Variants in PINX1 observed in about 807,000 individuals in gnomAD.
PINX1 encodes PIN2 (TERF1) interacting telomerase inhibitor 1.
A neutral mutation model predicts 25.4 loss-of-function variants in PINX1; 34 were observed. That is an observed-to-expected ratio of 1.34 (90% CI 1.02 to 1.78). PINX1 has a LOEUF of 1.78. PINX1 is among the 40% of genes most tolerant of loss of function. PINX1 has a pLI of 0.00. For synonymous variants in PINX1, 197 were observed against 147.7 expected, an observed-to-expected ratio of 1.33 and a Z score of -2.42; for missense variants, 592 against 404.9, an observed-to-expected ratio of 1.46 and a Z score of -3.97.
chr8:10,779,828 A>C (rs1313280713), intron 6 of PINX1, among the ~76,000 whole-genome samples: 2 of 152,244 alleles, frequency 1.3e-5, no homozygotes, highest in Non-Finnish European at 2.9e-5. Context: ...AATGAAGACC[A>C]ATCTAGGAAG....
At chr8:10,802,852 T>G (rs1444673719) in intron 6 of PINX1, among the ~76,000 whole-genome samples, 1 of 152,210 alleles carries the variant, frequency 6.6e-6, no homozygotes, top group East Asian at 1.9e-4. Context: ...TTCTCTTTGT[T>G]TGCTTCCAGC....
At position 10,839,654 on chromosome 8, in the gene PINX1, C is replaced by T. The variant is rs1054969047; in HGVS notation, c.19+84G>A. Reference sequence around the variant, plus strand: ...GCGCCAGGCGCGCCGGCAACCCGAGCTCCCAGCCACTCCGGGCTGCCGTGC... The same window carrying T: ...GCGCCAGGCGCGCCGGCAACCCGAGTTCCCAGCCACTCCGGGCTGCCGTGC... On this transcript the variant is annotated intron_variant, in intron 1 of 6. Transcript: ENST00000314787. The T allele has an allele frequency of 4.9e-6, 7 of 1,415,286 alleles. No individual in the cohort carries two copies. The African/African-American group carries it at 7.1e-5, about 14-fold the overall frequency. 87.7% of individuals were successfully genotyped at this position (1,415,286 alleles called of 1,614,324 possible).
Position 10,765,621 on chromosome 8 carries a change from G to T in PINX1, c.767C>A (p.Pro256Gln). 6.2e-7 allele frequency: 1 copy of T among 1,613,798 alleles called. No individual in the cohort carries two copies. The highest frequency in any genetic ancestry group is 8.5e-7 in the Non-Finnish European group (1 of 1,179,864). Reference protein sequence around the residue: ...QERVAKKKSAPAEEQLRGPCW... With the variant: ...QERVAKKKSAQAEEQLRGPCW... ...GGGGCCTCTGAGCTGCTCTTCTGCT[G>T]GCGCGCTCTTCTTCTTGGCCACTCG... Residue 256 changes from proline (P) to glutamine (Q), a missense_variant, in exon 7 of 7, where the codon CCA becomes CAA. Pro to Gln is a moderately conservative substitution (Grantham distance 76). Coordinates refer to ENST00000314787, the MANE Select transcript of PINX1 (RefSeq NM_017884.6).
chr8:10,810,665 C>T (rs1354347056), intron 6 of PINX1, among the ~76,000 whole-genome samples: 1 of 152,190 alleles, frequency 6.6e-6, no homozygotes, highest in South Asian at 2.1e-4. Flanking sequence ...AGGGAACTAC[C>T]GAGCATGTCA....
At chr8:10,808,011 A>G (rs1802509900) in intron 6 of PINX1, among the ~76,000 whole-genome samples, 1 of 149,536 alleles carries the variant, frequency 6.7e-6, no homozygotes, top group African/African-American at 2.5e-5. Flanking sequence ...CTAGAGGGAA[A>G]AAACAAAATC....
chr8:10,797,314 A>G (rs539880705), intron 6 of PINX1, among the ~76,000 whole-genome samples: 1 of 152,280 alleles, frequency 6.6e-6, no homozygotes, highest in South Asian at 2.1e-4. Context: ...GCTCCCTCAA[A>G]TACAAGGCAT....
intron 6 of PINX1, among the ~76,000 whole-genome samples, chr8:10,772,272 A>C (rs1223456336): frequency 6.6e-6 from 1 of 152,238 alleles, no homozygotes; most frequent in African/African-American, 2.4e-5. Context: ...CCTACATTAT[A>C]TCTTAGCTGA....
At chr8:10,776,041 T>C (rs1054298137) in intron 6 of PINX1, among the ~76,000 whole-genome samples, 2 of 152,128 alleles carry the variant, frequency 1.3e-5, no homozygotes, top group African/African-American at 4.8e-5. Context: ...ACAGCTACAT[T>C]TTTAAGGTCC....
intron 5 of PINX1, among the ~76,000 whole-genome samples, chr8:10,823,395 C>T (rs1410646184): frequency 6.6e-6 from 1 of 152,104 alleles, no homozygotes; most frequent in African/African-American, 2.4e-5. Context: ...GGAGGAAGCA[C>T]TGCTCTCCTG....
chr8:10,786,706 G>T (rs1374890800), intron 6 of PINX1, among the ~76,000 whole-genome samples: 1 of 152,170 alleles, frequency 6.6e-6, no homozygotes, highest in Non-Finnish European at 1.5e-5. Flanking sequence ...AGTGTATACT[G>T]CAGGCCAAAT....
chr8:10,765,946 G>GT (rs747180819), intron 6 of PINX1, 30 bp from the exon 7 acceptor site: 9 of 1,604,178 alleles, frequency 5.6e-6, no homozygotes, highest in Admixed American at 5.1e-5. Flanking sequence ...TAAAAGGCAG[G>GT]TAAGCATCAA....
chr8:10,766,046 C>A, intron 6 of PINX1, 130 bp from the exon 7 acceptor site: 1 of 832,992 alleles, frequency 1.2e-6, no homozygotes, highest in Non-Finnish European at 1.9e-6. Context: ...GCACCCACAC[C>A]CGGCACTTAG....
At chr8:10,829,089 C>A (rs139498714) in intron 4 of PINX1, among the ~76,000 whole-genome samples, 3,274 of 152,172 alleles carry the variant, frequency 0.022, 134 homozygotes, top group African/African-American at 0.074. Context: ...AGTTGGAGAC[C>A]AGCCTGACCA....
At chr8:10,796,914 C>G (rs1282988295) in intron 6 of PINX1, among the ~76,000 whole-genome samples, 1 of 151,432 alleles carries the variant, frequency 6.6e-6, no homozygotes, top group Non-Finnish European at 1.5e-5. Flanking sequence ...TCAGCACTCC[C>G]CTCCTCCCAA....
intron 6 of PINX1, among the ~76,000 whole-genome samples, chr8:10,780,138 A>G (rs552067161): frequency 1.3e-5 from 2 of 152,312 alleles, no homozygotes; most frequent in South Asian, 4.2e-4. Flanking sequence ...GGTTTTCTAC[A>G]TATAGGATCA....
At chr8:10,800,934 CT>C in intron 6 of PINX1, among the ~76,000 whole-genome samples, 1 of 152,308 alleles carries the variant, frequency 6.6e-6, no homozygotes, top group South Asian at 2.1e-4. Context: ...CCCAACTCTC[CT>C]TTCTGCAAGA....
chr8:10,822,910 T>A (rs1373165627), intron 5 of PINX1, among the ~76,000 whole-genome samples: 1 of 152,236 alleles, frequency 6.6e-6, no homozygotes, highest in African/African-American at 2.4e-5. Flanking sequence ...AAAATTCATT[T>A]GCATTATTCA....
intron 6 of PINX1, among the ~76,000 whole-genome samples, chr8:10,796,525 T>C (rs1176986115): frequency 6.6e-6 from 1 of 152,194 alleles, no homozygotes; most frequent in Non-Finnish European, 1.5e-5. Flanking sequence ...AGGCATGCCT[T>C]CCGGGCTGCT....
chr8:10,826,056 G>A, intron 5 of PINX1, 96 bp downstream of exon 5: 1 of 653,058 alleles, frequency 1.5e-6, no homozygotes, highest in Non-Finnish European at 2.7e-6. Context: ...TGTCCATAAA[G>A]CATGAAGTCG....
Sources: gnomAD v4.1 joint callset for allele counts (sites outside exome capture counted in the v4.1 genomes callset) on GRCh38, gnomAD v4.1.1 for gene constraint, MANE v1.5 for transcripts, NCBI Gene and HGNC (gene_info 2026-07-23, HGNC 2026-07-21) for gene names.